Variants in TBCK observed in about 807,000 individuals in gnomAD.
The protein encoded by TBCK is TBC domain-containing protein kinase-like protein.
In TBCK, 99 loss-of-function variants were observed where a neutral mutation model predicts 113.4. That is an observed-to-expected ratio of 0.87 (90% CI 0.74 to 1.03). The LOEUF (loss-of-function observed/expected upper bound fraction) is 1.03, where lower values mean the gene tolerates loss of function less well. Among genes scored for constraint, TBCK ranks in the 50% least tolerant of loss-of-function variants. The pLI is 0.00. For synonymous variants in TBCK, 369 were observed against 370.8 expected (o/e 1.00, Z 0.05); for missense variants, 1,045 against 1,061.3 (o/e 0.98, Z 0.21).
At chr4:106,299,390 T>C (rs533356379) in intron 2 of TBCK, among the ~76,000 whole-genome samples, 1 of 152,350 alleles carries the variant, frequency 6.6e-6, no homozygotes, top group East Asian at 1.9e-4. Context: ...GCATATTCCA[T>C]TAATTAACCA....
intron 24 of TBCK, among the ~76,000 whole-genome samples, chr4:106,104,330 C>A (rs1741893604): frequency 6.6e-6 from 1 of 152,224 alleles, no homozygotes; most frequent in South Asian, 2.1e-4. Context: ...AGAAGGAGTT[C>A]CCAGGGAGAT....
At chr4:106,234,824 T>C (rs1190658408) in intron 15 of TBCK, among the ~76,000 whole-genome samples, 3 of 152,092 alleles carry the variant, frequency 2.0e-5, no homozygotes, top group South Asian at 2.1e-4. Flanking sequence ...CTTGGTAGCA[T>C]AGTCCAGGTG....
intron 23 of TBCK, among the ~76,000 whole-genome samples, chr4:106,126,519 T>G (rs910679403): frequency 6.6e-6 from 1 of 152,190 alleles, no homozygotes; most frequent in African/African-American, 2.4e-5. Context: ...TTACTATTTG[T>G]GAGATATTGT....
chr4:106,214,549 C>T (rs1239492410), intron 19 of TBCK, among the ~76,000 whole-genome samples: 15 of 152,004 alleles, frequency 9.9e-5, no homozygotes, highest in African/African-American at 2.9e-4. Flanking sequence ...AACCAAGGCT[C>T]GAGAACTATG....
intron 25 of TBCK, among the ~76,000 whole-genome samples, chr4:106,047,763 C>T: frequency 6.6e-6 from 1 of 152,060 alleles, no homozygotes. Flanking sequence ...GCCAAATGAC[C>T]ATAAAACCTA....
intron 13 of TBCK, 58 bp from the exon 14 acceptor site, chr4:106,236,577 C>CT (rs1006291048): frequency 9.4e-4 from 1,204 of 1,278,110 alleles, no homozygotes; most frequent in South Asian, 1.3e-3. Context: ...ACAAAATTTT[C>CT]TTTTTTTTTC....
chr4:106,112,541 T>G (rs1258256925), intron 24 of TBCK, among the ~76,000 whole-genome samples: 1 of 152,160 alleles, frequency 6.6e-6, no homozygotes, highest in African/African-American at 2.4e-5. Flanking sequence ...GCCTTACTAT[T>G]GGCCTTGGAA....
chr4:106,203,643 C>A (rs900674035), intron 20 of TBCK, among the ~76,000 whole-genome samples: 3 of 151,996 alleles, frequency 2.0e-5, no homozygotes, highest in African/African-American at 4.8e-5. Flanking sequence ...GAACTATACA[C>A]TGAAAACTTA....
chr4:106,155,385 T>C (rs142519180), intron 23 of TBCK, among the ~76,000 whole-genome samples: 57 of 152,294 alleles, frequency 3.7e-4, no homozygotes, highest in Non-Finnish European at 6.9e-4. Flanking sequence ...TACTTGAATA[T>C]TGATATCTTT....
At position 106,176,960 on chromosome 4, in the gene TBCK, G is replaced by GT. The variant is rs34118663; in HGVS notation, c.2060-5691dup. ...ATATACTTGTTGGCCATTTTTAAGT[G>GT]TTTTTTTTTTTTTTAAATACAGGGT... On this transcript the variant is annotated intron_variant, in intron 22 of 25. Transcript: ENST00000394708. Among the ~76,000 whole-genome samples the GT allele has an allele frequency of 7.2e-3, 995 of 139,094 alleles. 9 individuals carry two copies. Among genetic ancestry groups the GT allele is most frequent in the African/African-American group, 0.015 (560 of 38,000 alleles). The allele number at this position is 139,094 out of a possible 152,430, so 91.3% of individuals were successfully genotyped here.
chr4:106,097,280 T>G (rs1209464350), intron 24 of TBCK, among the ~76,000 whole-genome samples: 2 of 152,072 alleles, frequency 1.3e-5, no homozygotes, highest in Non-Finnish European at 2.9e-5. Context: ...CTTTGGAAAA[T>G]AAGGCACAAA....
chr4:106,261,020 A>ACTC (rs1762455237), intron 4 of TBCK, among the ~76,000 whole-genome samples: 1 of 152,040 alleles, frequency 6.6e-6, no homozygotes, highest in East Asian at 1.9e-4. Context: ...AACTTTTTAT[A>ACTC]TTGTTTGAGA....
chr4:106,211,829 C>A (rs752729159), intron 20 of TBCK, among the ~76,000 whole-genome samples: 7 of 151,948 alleles, frequency 4.6e-5, no homozygotes, highest in Non-Finnish European at 8.8e-5. Context: ...TACACATATA[C>A]ACTAAATTCT....
intron 2 of TBCK, 141 bp from the exon 3 acceptor site, chr4:106,295,307 C>T (rs1766181121): frequency 5.6e-6 from 3 of 531,522 alleles, no homozygotes; most frequent in Middle Eastern, 3.6e-4. Context: ...ATATTAACTA[C>T]ATTATTACCA....
rs544795454 is a variant in TBCK at position 106,071,316 on chromosome 4, T to G, written c.2571+24166A>C. On this transcript the variant is annotated intron_variant, in intron 25 of 25. Coordinates refer to ENST00000394708, the MANE Select transcript of TBCK (RefSeq NM_001163435.3). ...TGTTGCGTCTTTGTTCTCATTGGTT[T>G]CAAAGAACACCTTTATTTCTGCCTT... 1.5e-4 allele frequency among the ~76,000 whole-genome samples: 23 copies of G among 152,332 alleles called. No homozygotes were observed. In the South Asian group the frequency reaches 4.8e-3, roughly 32 times the overall value.
At chr4:106,068,261 C>A (rs995487070) in intron 25 of TBCK, among the ~76,000 whole-genome samples, 3 of 152,044 alleles carry the variant, frequency 2.0e-5, no homozygotes, top group African/African-American at 7.2e-5. Flanking sequence ...ATTAACTGGT[C>A]ATTTACATTA....
At chr4:106,219,744 G>C (rs746836045) in intron 19 of TBCK, among the ~76,000 whole-genome samples, 1 of 151,098 alleles carries the variant, frequency 6.6e-6, no homozygotes, top group African/African-American at 2.4e-5. Context: ...TTGCTATGTT[G>C]TCTAGGCTGG....
At chr4:106,182,520 C>G (rs1291646543) in intron 22 of TBCK, 2 of 152,046 alleles carry the variant, frequency 1.3e-5, no homozygotes, top group Admixed American at 6.6e-5. Flanking sequence ...ACAAATAGCT[C>G]TTATTATGTT....
At chr4:106,111,620 AGAT>A (rs1439394948) in intron 24 of TBCK, among the ~76,000 whole-genome samples, 2 of 152,328 alleles carry the variant, frequency 1.3e-5, no homozygotes, top group Non-Finnish European at 2.9e-5. Context: ...CTCATTTTAC[AGAT>A]GATATTTTAC....
Sources: gnomAD v4.1 joint callset for allele counts (sites outside exome capture counted in the v4.1 genomes callset) on GRCh38, gnomAD v4.1.1 for gene constraint, MANE v1.5 for transcripts, NCBI Gene and HGNC (gene_info 2026-07-23, HGNC 2026-07-21) for gene names.